The following FBXL12 variants were observed in gnomAD, a reference collection of about 807,000 sequenced individuals.
FBXL12 encodes the protein F-box and leucine rich repeat protein 12, also known as F-box/LRR-repeat protein 12.
In FBXL12, 22 loss-of-function variants were observed where a neutral mutation model predicts 24.9. The ratio of observed to expected loss-of-function variants is 0.88; its 90% CI spans 0.63 to 1.26. FBXL12 has a LOEUF of 1.26. FBXL12 is among the 50% of genes most tolerant of loss of function. The pLI is 0.00. For synonymous variants in FBXL12, 193 were observed against 193.8 expected (o/e 1.00, Z 0.03); for missense variants, 384 against 434.1 (o/e 0.88, Z 1.03).
chr19:9,811,859 C>T lies in FBXL12; in HGVS notation c.160-142G>A, dbSNP rs1222312400. ...GCCCTTGCCTAGCCAGTCTCCTCCC[C>T]AGGTTCAACCTCCCCAGGTTCAACC... On this transcript the variant is annotated intron_variant, in intron 2 of 2. Coordinates refer to ENST00000247977, the MANE Select transcript of FBXL12 (RefSeq NM_017703.3). The surrounding 1 kb of genome is among the most constrained non-coding windows in gnomAD (Gnocchi z 6.0). 1.4e-5 allele frequency: 8 copies of T among 579,960 alleles called. No individual in the cohort carries two copies. The East Asian group carries it at 2.4e-4, about 18-fold the overall frequency. The allele number at this position is 579,960 out of a possible 1,614,324, so 35.9% of individuals were successfully genotyped here. A position where few individuals can be genotyped will look rare whatever the true frequency, so the allele number is the denominator to read the frequency against.
At chr19:9,814,727 CGA>C (rs1050739488) in intron 2 of FBXL12, 10 of 148,164 alleles carry the variant, frequency 6.7e-5, no homozygotes, top group Admixed American at 5.4e-4. Flanking sequence ...ATTAAGAAAA[CGA>C]GAACAAAGCA....
intron 2 of FBXL12, among the ~76,000 whole-genome samples, chr19:9,812,530 C>CAAAA (rs374538314): frequency 1.2e-4 from 4 of 32,554 alleles, no homozygotes; most frequent in African/African-American, 3.0e-4. Flanking sequence ...GACTCTGTCT[C>CAAAA]AAAAAAAAAA....
In FBXL12 at chr19:9,811,142, C is replaced by G. The variant is rs757126521; in HGVS notation, c.735G>C (p.Leu245=). The G allele has an allele frequency of 6.2e-7, 1 of 1,605,734 alleles. No homozygotes were observed. The highest frequency in any genetic ancestry group is 8.5e-7 in the Non-Finnish European group (1 of 1,173,158). ...LTVRGLSAPG[L]AVLEGMPALE... ...GGGCCGGCATTCCCTCCAGCACAGC[C>G]AGGCCAGGGGCAGAGAGGCCCCTCA... The change falls in exon 3 of 3, where the codon CTG becomes CTC. Residue 245 remains leucine, a synonymous_variant. Coordinates refer to ENST00000247977, the MANE Select transcript of FBXL12 (RefSeq NM_017703.3). This position sits in a 1 kb window ranked among gnomAD's most constrained non-coding sequence, Gnocchi z 6.0.
At position 9,811,200 on chromosome 19, in the gene FBXL12, T is replaced by G; in HGVS notation, c.677A>C (p.His226Pro). 6.2e-7 allele frequency: 1 copy of G among 1,612,870 alleles called. No individual in the cohort carries two copies. The highest frequency in any genetic ancestry group is 8.5e-7 in the Non-Finnish European group (1 of 1,179,396). The part of the protein sequence containing the change: ...ADSTLLAISR[H>P]LRDVRKIRLT... ...CCGGATCTTGCGCACATCTCGGAGG[T>G]GGCGGCTGATGGCCAGCAGGGTGCT... The change falls in exon 3 of 3, where the codon CAC becomes CCC. Residue 226 changes from histidine (H) to proline (P), a missense_variant. Coordinates refer to ENST00000247977, the MANE Select transcript of FBXL12 (RefSeq NM_017703.3). The surrounding 1 kb of genome is among the most constrained non-coding windows in gnomAD (Gnocchi z 6.0).
Position 9,811,542 on chromosome 19 carries a change from G to C in FBXL12, c.335C>G (p.Ala112Gly). The change falls in exon 3 of 3, where the codon GCC (alanine) becomes GGC (glycine). Residue 112 changes from alanine (A) to glycine (G), a missense_variant. Transcript: ENST00000247977. The surrounding 1 kb of genome is among the most constrained non-coding windows in gnomAD (Gnocchi z 6.0). ...GGTGATGGGCACCATGCTCAGGTCG[G>C]CCACGTGCAGGCAGAGGCGCTTCAG... ...PNLKRLCLHV[A>G]DLSMVPITSL... The C allele has an allele frequency of 6.2e-7, 1 of 1,609,880 alleles. No homozygotes were observed. Among genetic ancestry groups the C allele is most frequent in the Non-Finnish European group, 8.5e-7 (1 of 1,177,266 alleles).
chr19:9,818,447 G>T, intron 2 of FBXL12, 98 bp downstream of exon 2: 1 of 1,329,472 alleles, frequency 7.5e-7, no homozygotes, highest in Non-Finnish European at 1.0e-6. Flanking sequence ...TAAATCCCCA[G>T]CCCGGGCCCC....
In FBXL12 at chr19:9,810,668, T is replaced by G. The variant is rs1245089996; in HGVS notation, c.*228A>C. The G allele has an allele frequency of 6.7e-6, 3 of 444,676 alleles. No homozygotes were observed. Among genetic ancestry groups the G allele is most frequent in the Non-Finnish European group, 1.2e-5 (3 of 248,986 alleles). 27.5% of individuals were successfully genotyped at this position (444,676 alleles called of 1,614,324 possible). On this transcript the variant is annotated 3_prime_UTR_variant, in exon 3 of 3. Transcript: ENST00000247977. ...ACCGTGAGGTAGCTATGATCATCCT[T>G]ATTTCCAGATGTGGGAACTAGGCTT...
At chr19:9,816,531 G>A (rs1372675591) in intron 2 of FBXL12, among the ~76,000 whole-genome samples, 1 of 152,140 alleles carries the variant, frequency 6.6e-6, no homozygotes, top group Non-Finnish European at 1.5e-5. Context: ...AACATAACAA[G>A]AGTCACCTTT....
chr19:9,816,749 T>G (rs2045893541), intron 2 of FBXL12, among the ~76,000 whole-genome samples: 1 of 152,156 alleles, frequency 6.6e-6, no homozygotes. Context: ...GCTTCTACAT[T>G]TTTGGGTATC....
Position 9,818,767 on chromosome 19 carries a change from A to C in FBXL12, c.47T>G (p.Phe16Cys), listed in dbSNP as rs749628366. The change falls in exon 1 of 3, where the codon TTC (phenylalanine) becomes TGC (cysteine). Residue 16 changes from phenylalanine to cysteine, a missense_variant. By Grantham distance (205) the Phe-to-Cys change is radical (BLOSUM62 -2). Transcript: ENST00000247977. ...CCGGTCCCGTACCGGGAGGTAAGAG[A>C]AGATCTCGAGCAGGACCGAGTCCGG... ...ELPDSVLLEI[F>C]SYLPVRDRIR... The C allele has an allele frequency of 9.6e-6, 15 of 1,555,802 alleles. No individual in the cohort carries two copies. Among genetic ancestry groups the C allele is most frequent in the Admixed American group, 1.9e-5 (1 of 51,360 alleles).
At position 9,810,919 on chromosome 19, in the gene FBXL12, CTT is replaced by C. The variant is rs957924195; in HGVS notation, c.956_957del (p.Lys319ArgfsTer23). ...HCMVIVRACP[K>X]ESMDWWM ...AGTTACATCCACCAGTCCATAGACT[CTT>C]TGGGGCAAGCCCTGACGATGACCAT... On this transcript the variant is annotated frameshift_variant, in exon 3 of 3. Coordinates refer to ENST00000247977, the MANE Select transcript of FBXL12 (RefSeq NM_017703.3). LOFTEE classifies it high-confidence loss of function. 6.3e-7 allele frequency: 1 copy of C among 1,594,986 alleles called. No individual in the cohort carries two copies. The highest frequency in any genetic ancestry group is 1.3e-5 in the African/African-American group (1 of 74,726).
In FBXL12 at chr19:9,813,794, C is replaced by T. The variant is rs139688261; in HGVS notation, c.160-2077G>A. On this transcript the variant is annotated intron_variant, in intron 2 of 2. Coordinates refer to ENST00000247977, the MANE Select transcript of FBXL12 (RefSeq NM_017703.3). ...GCTGGGATTACAGGCATGAGCCACG[C>T]GCCTGGCCTTAATTTTGTATTTTTA... Among the ~76,000 whole-genome samples the T allele has an allele frequency of 4.5e-3, 686 of 150,994 alleles. 3 individuals are homozygous for T. Among genetic ancestry groups the T allele is most frequent in the Non-Finnish European group, 7.6e-3 (517 of 67,716 alleles).
At chr19:9,813,531 T>C (rs1399335866) in intron 2 of FBXL12, 1 of 203,120 alleles carries the variant, frequency 4.9e-6, no homozygotes, top group Non-Finnish European at 9.6e-6. Context: ...AGACAGAGTC[T>C]CGCTCTGTTG....
intron 2 of FBXL12, among the ~76,000 whole-genome samples, chr19:9,815,656 C>CTT (rs142635664): frequency 4.8e-4 from 68 of 142,186 alleles, no homozygotes; most frequent in African/African-American, 1.3e-3. Context: ...AACTTCAATT[C>CTT]TTTTTTTTTT....
intron 2 of FBXL12, among the ~76,000 whole-genome samples, chr19:9,816,649 T>C (rs189893005): frequency 2.6e-4 from 40 of 152,350 alleles, no homozygotes; most frequent in Admixed American, 9.8e-4. Context: ...AACAAGTCTC[T>C]AGGAAGTTCC....
chr19:9,817,495 C>A (rs186502889), intron 2 of FBXL12, among the ~76,000 whole-genome samples: 42 of 152,306 alleles, frequency 2.8e-4, no homozygotes, highest in African/African-American at 1.0e-3. Context: ...GACGAATCAA[C>A]TTTTCCTCGC....
intron 2 of FBXL12, among the ~76,000 whole-genome samples, chr19:9,812,340 G>A (rs2045772388): frequency 6.6e-6 from 1 of 151,920 alleles, no homozygotes; most frequent in Non-Finnish European, 1.5e-5. Flanking sequence ...ATACCAGCCT[G>A]GCCAACATGG....
Position 9,811,073 on chromosome 19 carries a change from C to T in FBXL12, c.804G>A (p.Met268Ile). The T allele has an allele frequency of 6.2e-7, 1 of 1,611,390 alleles. No individual in the cohort carries two copies. Among genetic ancestry groups the T allele is most frequent in the Non-Finnish European group, 8.5e-7 (1 of 1,178,200 alleles). The part of the protein sequence containing the change: ...CLQGPLVTPE[M>I]PSPTEILSSC... Reference sequence around the variant, plus strand: ...AGGAGAGGATTTCAGTGGGGGAGGGCATTTCTGGGGTGACGAGGGGACCCT... The same window carrying T: ...AGGAGAGGATTTCAGTGGGGGAGGGTATTTCTGGGGTGACGAGGGGACCCT... The change falls in exon 3 of 3, where the codon ATG becomes ATA. Residue 268 changes from methionine to isoleucine, a missense_variant. Met to Ile is a conservative substitution (Grantham distance 10, BLOSUM62 1). Coordinates refer to ENST00000247977, the MANE Select transcript of FBXL12 (RefSeq NM_017703.3). This position sits in a 1 kb window ranked among gnomAD's most constrained non-coding sequence, Gnocchi z 6.0.
intron 2 of FBXL12, chr19:9,813,245 G>A: frequency 4.1e-6 from 5 of 1,231,356 alleles, no homozygotes; most frequent in Non-Finnish European, 5.1e-6. Flanking sequence ...GCCTTTTATT[G>A]CTGGATTTCT....
Sources: allele counts gnomAD v4.1 joint callset (sites outside exome capture counted in the v4.1 genomes callset), GRCh38; gene constraint gnomAD v4.1.1; non-coding constraint Gnocchi (gnomAD v3.1); transcripts MANE v1.5; gene names NCBI Gene and HGNC (gene_info 2026-07-23, HGNC 2026-07-21).